The following AP3S2 variants were observed in gnomAD, a reference collection of about 807,000 sequenced individuals.
AP3S2 encodes adaptor related protein complex 3 subunit sigma 2.
Under a neutral mutation model 23.4 loss-of-function variants are expected in AP3S2, and 22 were observed. The ratio of observed to expected loss-of-function variants is 0.94; its 90% CI spans 0.67 to 1.34. The LOEUF (loss-of-function observed/expected upper bound fraction) is 1.34. AP3S2 is among the 40% of genes most tolerant of loss of function. The pLI, the probability that AP3S2 is intolerant of heterozygous loss-of-function variation, is 0.00. For missense variants in AP3S2, 241 were observed against 236.9 expected (o/e 1.02, Z -0.11); for synonymous variants, 86 against 87.1 (o/e 0.99, Z 0.07).
chr15:89,869,441 C>G (rs1238523071), intron 4 of AP3S2, among the ~76,000 whole-genome samples: 1 of 147,414 alleles, frequency 6.8e-6, no homozygotes, highest in Non-Finnish European at 1.5e-5. Context: ...TGCGGAAGGC[C>G]GCAGGGTCCT....
intron 4 of AP3S2, among the ~76,000 whole-genome samples, chr15:89,867,092 A>G (rs28651211): frequency 7.8e-5 from 10 of 128,176 alleles, no homozygotes; most frequent in East Asian, 2.6e-4. Flanking sequence ...GGACTGTACT[A>G]CTGCCATCTC....
intron 4 of AP3S2, among the ~76,000 whole-genome samples, chr15:89,843,013 T>C (rs958621103): frequency 7.9e-5 from 12 of 151,766 alleles, no homozygotes; most frequent in African/African-American, 2.7e-4. Flanking sequence ...AGACAGAGTT[T>C]CACTCTTGTT....
At chr15:89,867,727 G>A (rs28675686) in intron 4 of AP3S2, among the ~76,000 whole-genome samples, 6 of 138,196 alleles carry the variant, frequency 4.3e-5, no homozygotes, top group African/African-American at 8.2e-5. Context: ...GGTAAGGAGC[G>A]TCTCTGCCCG....
At chr15:89,893,557 T>C in intron 1 of AP3S2, 1 of 403,986 alleles carries the variant, frequency 2.5e-6, no homozygotes, top group East Asian at 3.6e-5. Flanking sequence ...AGAATGTGAC[T>C]TCAATCACTC....
In AP3S2 at chr15:89,831,201, A is replaced by G. The variant is rs907794969; in HGVS notation, c.*4314T>C. ...TAGGGGCCTGTTTTCGTATCTGCCA[A>G]CTTCCACTGAAACACGCAGATGGAG... is the stretch of plus-strand genomic sequence containing the variant. On this transcript the variant is annotated 3_prime_UTR_variant, in exon 6 of 6. Transcript: ENST00000336418. 1 of 152,204 alleles carries G rather than the reference A, an allele frequency of 6.6e-6. No homozygotes were observed. Among genetic ancestry groups the G allele is most frequent in the Non-Finnish European group, 1.5e-5 (1 of 68,032 alleles). 9.4% of individuals were successfully genotyped at this position (152,204 alleles called of 1,614,324 possible).
chr15:89,879,245 C>T (rs1304545000), intron 3 of AP3S2, among the ~76,000 whole-genome samples: 2 of 152,180 alleles, frequency 1.3e-5, no homozygotes, highest in Non-Finnish European at 2.9e-5. Context: ...TTATTACATT[C>T]CATTAGTACA....
intron 4 of AP3S2, among the ~76,000 whole-genome samples, chr15:89,846,184 G>C (rs368276122): frequency 1.3e-5 from 2 of 152,214 alleles, no homozygotes; most frequent in Non-Finnish European, 2.9e-5. Flanking sequence ...ATTTTAGTGA[G>C]TGAAAGTCGG....
At chr15:89,858,519 GAGAGAGAAAGAAAGAAAGAA>G (rs1227628244) in intron 4 of AP3S2, among the ~76,000 whole-genome samples, 20 of 44,156 alleles carry the variant, frequency 4.5e-4, no homozygotes, top group African/African-American at 1.3e-3. Flanking sequence ...GAGAGAGAGA[GAGAGAGAAAGAAAGAAAGAA>G]AGAAAGAAAG....
chr15:89,837,342 C>T (rs957740127), intron 5 of AP3S2, among the ~76,000 whole-genome samples: 3 of 152,122 alleles, frequency 2.0e-5, no homozygotes, highest in African/African-American at 4.8e-5. Context: ...TGGGCCATAA[C>T]CCCCAAGCCA....
chr15:89,858,489 AAGAAAGAGAGAGAGAGAGAG>A (rs1567178688), intron 4 of AP3S2, among the ~76,000 whole-genome samples: 1 of 41,786 alleles, frequency 2.4e-5, no homozygotes, highest in African/African-American at 6.5e-5. Context: ...GAAAGAAAGA[AAGAAAGAGAGAGAGAGAGAG>A]AGAGAGAGAG....
intron 3 of AP3S2, chr15:89,883,945 C>T (rs746639454): frequency 6.6e-6 from 1 of 152,336 alleles, no homozygotes; most frequent in African/African-American, 2.4e-5. Context: ...TTGGTCATTT[C>T]AGGTTTTGGA....
chr15:89,888,566 A>C lies in AP3S2; in HGVS notation c.228T>G (p.Cys76Trp). Residue 76 changes from cysteine (C) to tryptophan (W), a missense_variant, in exon 3 of 6, where the codon TGT (cysteine) becomes TGG (tryptophan). Transcript: ENST00000336418. ...CAAGTTCACTCTCTGAGGAATCCAC[A>C]CAAAATACAAAGTAGAGGGTAGCAT... is the stretch of plus-strand genomic sequence containing the variant. ...RHYATLYFVF[C>W]VDSSESELGI... 1.9e-6 allele frequency: 3 copies of C among 1,614,244 alleles called. No individual in the cohort carries two copies. Among genetic ancestry groups the C allele is most frequent in the Non-Finnish European group, 2.5e-6 (3 of 1,180,048 alleles).
chr15:89,858,519 GAGAGAGAAAGAAAGAA>G (rs1261095596), intron 4 of AP3S2, among the ~76,000 whole-genome samples: 314 of 44,058 alleles, frequency 7.1e-3, no homozygotes, highest in African/African-American at 0.02. Context: ...GAGAGAGAGA[GAGAGAGAAAGAAAGAA>G]AGAAAGAAAG....
At chr15:89,892,167 G>C (rs1896835173) in intron 1 of AP3S2, among the ~76,000 whole-genome samples, 1 of 152,128 alleles carries the variant, frequency 6.6e-6, no homozygotes, top group South Asian at 2.1e-4. Flanking sequence ...ATAGGCAACG[G>C]AATAGGCAAA....
At chr15:89,859,463 G>A (rs1353124703) in intron 4 of AP3S2, among the ~76,000 whole-genome samples, 1 of 138,436 alleles carries the variant, frequency 7.2e-6, no homozygotes, top group South Asian at 2.3e-4. Context: ...GCGCGACCTC[G>A]GCTCACTGCA....
rs371190523 is a variant in AP3S2, at chr15:89,843,804, G to A, written c.346-6082C>T. The stretch of plus-strand genomic sequence containing the variant: ...GCCTGGGCAACAAGAGTGAAACTCC[G>A]TCTCAGAAACAAAAACAAAAACAAA... On this transcript the variant is annotated intron_variant, in intron 4 of 5. Coordinates refer to ENST00000336418, the MANE Select transcript of AP3S2 (RefSeq NM_005829.5). Among the ~76,000 whole-genome samples, 60 of 152,214 alleles carry A rather than the reference G, an allele frequency of 3.9e-4. 1 individual carries two copies. Among genetic ancestry groups the A allele is most frequent in the Admixed American group, 1.5e-3 (23 of 15,288 alleles).
intron 1 of AP3S2, 142 bp from the exon 2 acceptor site, chr15:89,889,282 T>C: frequency 1.2e-6 from 1 of 854,328 alleles, no homozygotes; most frequent in Middle Eastern, 3.4e-4. Flanking sequence ...ATAAAAATGA[T>C]GAGAAAAAAT....
At chr15:89,872,365 C>A (rs746373799) in intron 3 of AP3S2, among the ~76,000 whole-genome samples, 2 of 152,046 alleles carry the variant, frequency 1.3e-5, no homozygotes, top group African/African-American at 2.4e-5. Context: ...GACGTGTTTA[C>A]AACTTAAAAT....
At chr15:89,885,147 T>A (rs1037883957) in intron 3 of AP3S2, among the ~76,000 whole-genome samples, 1 of 152,090 alleles carries the variant, frequency 6.6e-6, no homozygotes, top group African/African-American at 2.4e-5. Flanking sequence ...TATTTCATCC[T>A]AATATTATTT....
Sources: gnomAD v4.1 joint callset for allele counts (sites outside exome capture counted in the v4.1 genomes callset) on GRCh38, gnomAD v4.1.1 for gene constraint, MANE v1.5 for transcripts, NCBI Gene and HGNC (gene_info 2026-07-23, HGNC 2026-07-21) for gene names.